The following JMJD1C variants were observed in gnomAD, a reference collection of about 807,000 sequenced individuals.
JMJD1C encodes the protein jumonji domain-containing protein 1C.
Under a neutral mutation model 245.3 loss-of-function variants are expected in JMJD1C, and 31 were observed. The observed-to-expected ratio is 0.13, with a 90% CI of 0.09 to 0.17. The LOEUF (loss-of-function observed/expected upper bound fraction) is 0.17, where lower values mean the gene tolerates loss of function less well. Ranked by LOEUF, JMJD1C falls within the 10% of genes least tolerant of loss-of-function variation. The probability of loss-of-function intolerance (pLI) is 1.00; values close to 1 mark genes in which losing one functional copy is unlikely to be tolerated. For synonymous variants in JMJD1C, 1,057 were observed against 1,017.4 expected (o/e 1.04, Z -0.74); for missense variants, 2,691 against 3,000.2 (o/e 0.90, Z 2.41).
At chr10:63,346,871 CAGTTTTAAAGTTCATCTGCTA>C (rs1943860487) in intron 2 of JMJD1C, among the ~76,000 whole-genome samples, 1 of 151,988 alleles carries the variant, frequency 6.6e-6, no homozygotes, top group Non-Finnish European at 1.5e-5. Flanking sequence ...TTTTAAAAGG[CAGTTTTAAAGTTCATCTGCTA>C]ATGAGTAATA....
At chr10:63,297,835 G>A (rs975844355) in intron 2 of JMJD1C, among the ~76,000 whole-genome samples, 2 of 152,120 alleles carry the variant, frequency 1.3e-5, no homozygotes, top group African/African-American at 4.8e-5. Flanking sequence ...CCCCTCACTC[G>A]CCACACTGCA....
Position 63,192,945 on chromosome 10 carries a change from T to A in JMJD1C, c.6069A>T (p.Glu2023Asp). 1.2e-6 allele frequency: 2 copies of A among 1,613,050 alleles called. No homozygotes were observed. The highest frequency in any genetic ancestry group is 1.7e-6 in the Non-Finnish European group (2 of 1,179,042). ...ATAATCAATTATGTTTACCTTTTTT[T>A]TCCTCTCTGGCTTTTTGCTCTGCAA... The part of the protein sequence containing the change: ...ADLAEQKARE[E>D]KKENKELTLE... Residue 2023 changes from glutamate (E) to aspartate (D), a missense_variant, in exon 16 of 26, where the codon GAA becomes GAT. Transcript: ENST00000399262.
At chr10:63,431,570 CAG>C (rs1385842484) in intron 1 of JMJD1C, among the ~76,000 whole-genome samples, 3 of 152,138 alleles carry the variant, frequency 2.0e-5, no homozygotes, top group African/African-American at 7.2e-5. Context: ...TTCTGGAAGA[CAG>C]AGACGATAAT....
intron 1 of JMJD1C, chr10:63,521,560 G>C (rs1411650257): frequency 7.0e-7 from 1 of 1,428,918 alleles, no homozygotes; most frequent in Non-Finnish European, 9.3e-7. Context: ...TGTCCTGGAT[G>C]ATCTCCAGAG....
At chr10:63,281,557 G>A (rs1160991962) in intron 2 of JMJD1C, among the ~76,000 whole-genome samples, 1 of 128,650 alleles carries the variant, frequency 7.8e-6, no homozygotes, top group Non-Finnish European at 1.6e-5. Flanking sequence ...TGCGACCTCT[G>A]CCTCCCGGGT....
At chr10:63,475,079 G>A (rs1953617400) in intron 1 of JMJD1C, among the ~76,000 whole-genome samples, 2 of 152,180 alleles carry the variant, frequency 1.3e-5, no homozygotes, top group South Asian at 4.1e-4. Context: ...GATAAATCAT[G>A]AAAATTTGCA....
intron 1 of JMJD1C, among the ~76,000 whole-genome samples, chr10:63,394,057 C>T (rs1463952718): frequency 1.3e-5 from 2 of 152,016 alleles, no homozygotes; most frequent in South Asian, 2.1e-4. Flanking sequence ...TGGTAGTGTG[C>T]GCACCTGCAG....
chr10:63,464,866 T>C (rs891636106), intron 1 of JMJD1C, among the ~76,000 whole-genome samples: 2 of 152,094 alleles, frequency 1.3e-5, no homozygotes, highest in Non-Finnish European at 2.9e-5. Context: ...TTACCCTCCA[T>C]ACCAAAATTT....
chr10:63,314,806 C>T (rs1417456332), intron 2 of JMJD1C, among the ~76,000 whole-genome samples: 2 of 152,050 alleles, frequency 1.3e-5, no homozygotes, highest in Non-Finnish European at 2.9e-5. Context: ...CACCACTACG[C>T]CTAGCCAATT....
intron 2 of JMJD1C, among the ~76,000 whole-genome samples, chr10:63,332,391 C>G (rs1942253035): frequency 6.6e-6 from 1 of 152,204 alleles, no homozygotes; most frequent in Non-Finnish European, 1.5e-5. Context: ...GCAGACATCT[C>G]AAGCACCATA....
chr10:63,255,745 T>G (rs919651286), intron 3 of JMJD1C, among the ~76,000 whole-genome samples: 1 of 152,148 alleles, frequency 6.6e-6, no homozygotes, highest in Non-Finnish European at 1.5e-5. Context: ...AATAAGAGAA[T>G]ACAATCTATT....
chr10:63,221,120 A>AG (rs1002463399), intron 3 of JMJD1C, among the ~76,000 whole-genome samples: 1 of 151,802 alleles, frequency 6.6e-6, no homozygotes, highest in Non-Finnish European at 1.5e-5. Flanking sequence ...AAAAAAAAAA[A>AG]AAGTGGACAG....
intron 2 of JMJD1C, among the ~76,000 whole-genome samples, chr10:63,353,310 G>A (rs764002530): frequency 6.6e-6 from 1 of 152,124 alleles, no homozygotes. Flanking sequence ...ATAAGATTTG[G>A]GAAGGGGTCA....
At chr10:63,190,693 C>G (rs919434935) in intron 17 of JMJD1C, among the ~76,000 whole-genome samples, 3 of 152,110 alleles carry the variant, frequency 2.0e-5, no homozygotes, top group Non-Finnish European at 4.4e-5. Context: ...GAGCACCCCC[C>G]CTCCACCTTT....
At chr10:63,285,863 A>G (rs750630948) in intron 2 of JMJD1C, among the ~76,000 whole-genome samples, 5 of 152,200 alleles carry the variant, frequency 3.3e-5, no homozygotes, top group East Asian at 1.9e-4. Flanking sequence ...TAAAAAGCCA[A>G]TGCCATAGTT....
At chr10:63,345,299 C>G (rs1943712666) in intron 2 of JMJD1C, among the ~76,000 whole-genome samples, 1 of 151,850 alleles carries the variant, frequency 6.6e-6, no homozygotes, top group Admixed American at 6.6e-5. Context: ...CCAGCCTGGC[C>G]AACATGGTGA....
upstream of JMJD1C, among the ~76,000 whole-genome samples, chr10:63,468,350 A>C (rs1245143702): frequency 6.6e-6 from 1 of 151,842 alleles, no homozygotes; most frequent in Non-Finnish European, 1.5e-5. Context: ...GTCCTTAAAG[A>C]TTTTTTGTTT....
Position 63,177,331 on chromosome 10 carries a change from T to C in JMJD1C, c.7224+386A>G, listed in dbSNP as rs556056885. The C allele has an allele frequency of 1.3e-5, 3 of 231,558 alleles. No individual in the cohort carries two copies. In the East Asian group the frequency reaches 4.4e-4, roughly 34 times the overall value. The allele number at this position is 231,558 out of a possible 1,614,324, so 14.3% of individuals were successfully genotyped here. A position where few individuals can be genotyped will look rare whatever the true frequency, so the allele number is the denominator to read the frequency against. On this transcript the variant is annotated intron_variant, in intron 23 of 25. Coordinates refer to ENST00000399262, the MANE Select transcript of JMJD1C (RefSeq NM_032776.3). ...CATTCCCTAGGTCAGCAGCCAAAAA[T>C]ATCTATCAGATTCAAAGAAAATAAA...
At position 63,427,483 on chromosome 10, in the gene JMJD1C, T is replaced by C. The variant is rs913154008; in HGVS notation, c.168+38012A>G. On this transcript the variant is annotated intron_variant, in intron 1 of 25. Coordinates refer to ENST00000399262, the MANE Select transcript of JMJD1C (RefSeq NM_032776.3). ...ACTCCTGACCAAGACCAACAGGATGTCCCACTGGGCCAAGCAACTGTTTCC... is the reference window on the plus strand; with the variant it reads ...ACTCCTGACCAAGACCAACAGGATGCCCCACTGGGCCAAGCAACTGTTTCC... The C allele has an allele frequency of 1.1e-5, 14 of 1,245,516 alleles. No homozygotes were observed. The Admixed American group carries it at 1.4e-4, about 13-fold the overall frequency. 77.2% of individuals were successfully genotyped at this position (1,245,516 alleles called of 1,614,324 possible).
Sources: allele counts gnomAD v4.1 joint callset (sites outside exome capture counted in the v4.1 genomes callset), GRCh38; gene constraint gnomAD v4.1.1; transcripts MANE v1.5; gene names NCBI Gene and HGNC (gene_info 2026-07-23, HGNC 2026-07-21).